Variants in BLNK observed in about 807,000 individuals in gnomAD.
BLNK encodes the protein B-cell linker protein.
Under a neutral mutation model 73.5 loss-of-function variants are expected in BLNK, and 29 were observed. The observed-to-expected ratio is 0.39, with a 90% CI of 0.29 to 0.54. The LOEUF (loss-of-function observed/expected upper bound fraction) is 0.54. BLNK is among the 20% of genes least tolerant of loss of function. The probability of loss-of-function intolerance (pLI) is 0.61; values close to 1 mark genes in which losing one functional copy is unlikely to be tolerated. For missense variants in BLNK, 460 were observed against 562.8 expected (o/e 0.82, Z 1.85); for synonymous variants, 176 against 200.8 (o/e 0.88, Z 1.04).
At chr10:96,251,704 G>T (rs1463950022) in intron 1 of BLNK, among the ~76,000 whole-genome samples, 2 of 152,146 alleles carry the variant, frequency 1.3e-5, no homozygotes, top group African/African-American at 2.4e-5. Context: ...TGGTGAGCAG[G>T]TCATATAAAT....
intron 2 of BLNK, among the ~76,000 whole-genome samples, chr10:96,243,836 T>A (rs1489790795): frequency 1.3e-5 from 2 of 152,200 alleles, no homozygotes; most frequent in Non-Finnish European, 2.9e-5. Context: ...CAATTATTTT[T>A]AATAATTATT....
chr10:96,210,405 T>C (rs1459906037), intron 8 of BLNK: 4 of 167,874 alleles, frequency 2.4e-5, no homozygotes, highest in Non-Finnish European at 5.2e-5. Context: ...GGTAAATGCC[T>C]CTAACTTCAC....
intron 9 of BLNK, among the ~76,000 whole-genome samples, chr10:96,209,526 G>T (rs1257650282): frequency 6.6e-6 from 1 of 152,146 alleles, no homozygotes; most frequent in African/African-American, 2.4e-5. Flanking sequence ...CCAAGTAGCT[G>T]GGATTACAGG....
In BLNK at chr10:96,266,396, C is replaced by T. The variant is rs115712908; in HGVS notation, c.47+4956G>A. 9.3e-3 allele frequency among the ~76,000 whole-genome samples: 1,420 copies of T among 152,304 alleles called. 16 individuals carry two copies. The highest frequency in any genetic ancestry group is 0.024 in the Middle Eastern group (7 of 294). On this transcript the variant is annotated intron_variant, in intron 1 of 16. Transcript: ENST00000224337. ...CAGCCATGGTACACAATCACTGGGT[C>T]CAGAAGAGAGGTTCCTCGGACATGT...
intron 1 of BLNK, among the ~76,000 whole-genome samples, chr10:96,252,210 C>T (rs1843314033): frequency 6.6e-6 from 1 of 152,052 alleles, no homozygotes; most frequent in Admixed American, 6.6e-5. Flanking sequence ...TGCCACCATG[C>T]CGGGCTAATT....
Position 96,189,548 on chromosome 10 carries a change from TTCCTGTTTTTTGAAGGATTCTTG to T in BLNK, c.*2402_*2424del. The T allele has an allele frequency of 1.5e-6, 1 of 659,682 alleles. No individual in the cohort carries two copies. Among genetic ancestry groups the T allele is most frequent in the South Asian group, 1.4e-5 (1 of 72,106 alleles). 40.9% of individuals were successfully genotyped at this position (659,682 alleles called of 1,614,324 possible). A position where few individuals can be genotyped will look rare whatever the true frequency, so the allele number is the denominator to read the frequency against. On this transcript the variant is annotated 3_prime_UTR_variant, in exon 17 of 17. Transcript: ENST00000224337. ...GCCCTTTTGGTGTTTTACGAGTTTT[TTCCTGTTTTTTGAAGGATTCTTG>T]TCCTTTTAATCTTGGTGTTGATGAT...
chr10:96,269,167 T>C (rs1844152460), intron 1 of BLNK, among the ~76,000 whole-genome samples: 2 of 152,072 alleles, frequency 1.3e-5, no homozygotes, highest in African/African-American at 2.4e-5. Flanking sequence ...AGTAATCAAG[T>C]GGAAAAAAAG....
chr10:96,234,890 C>G (rs1842642186), intron 3 of BLNK, among the ~76,000 whole-genome samples: 2 of 152,216 alleles, frequency 1.3e-5, no homozygotes. Context: ...TTGTGTGATT[C>G]CATGGTCTCT....
chr10:96,267,541 A>T (rs1454712126), intron 1 of BLNK, among the ~76,000 whole-genome samples: 1 of 152,204 alleles, frequency 6.6e-6, no homozygotes, highest in Non-Finnish European at 1.5e-5. Flanking sequence ...AAAACTCCAA[A>T]CCCTGAGAAG....
intron 5 of BLNK, among the ~76,000 whole-genome samples, chr10:96,226,755 G>A (rs1310300405): frequency 5.3e-5 from 8 of 151,958 alleles, no homozygotes; most frequent in African/African-American, 1.9e-4. Flanking sequence ...GCAGGAGGCT[G>A]GACCCAGGAG....
chr10:96,217,899 G>C (rs77508079), intron 6 of BLNK, among the ~76,000 whole-genome samples: 6,419 of 152,214 alleles, frequency 0.042, 205 homozygotes, highest in Middle Eastern at 0.065. Flanking sequence ...ACTCATATCT[G>C]TGTTTTCCTC....
Position 96,204,561 on chromosome 10 carries a change from C to T in BLNK, c.873G>A (p.Val291=). 1 of 1,614,070 alleles carries T rather than the reference C, an allele frequency of 6.2e-7. No individual in the cohort carries two copies. The highest frequency in any genetic ancestry group is 8.5e-7 in the Non-Finnish European group (1 of 1,179,954). The change falls in exon 12 of 17, where the codon GTG becomes GTA. Residue 291 remains valine (V), a synonymous_variant. Transcript: ENST00000224337. The part of the protein sequence containing the change: ...HRGSSHRQEA[V]QSPVFPPAQK... ...GGGCAGGAGGAAACACTGGTGACTG[C>T]ACAGCTTCTTGTCTGTGACTTGACC...
At chr10:96,231,342 T>TA (rs782722710) in intron 3 of BLNK, among the ~76,000 whole-genome samples, 17 of 151,752 alleles carry the variant, frequency 1.1e-4, no homozygotes, top group African/African-American at 3.6e-4. Flanking sequence ...CTTTTCTTGT[T>TA]AAAAAAAAAT....
At chr10:96,235,225 C>A (rs1393219606) in intron 3 of BLNK, among the ~76,000 whole-genome samples, 1 of 152,238 alleles carries the variant, frequency 6.6e-6, no homozygotes, top group African/African-American at 2.4e-5. Flanking sequence ...TGCTTCACCT[C>A]TGGGCCTCAG....
At position 96,191,905 on chromosome 10, in the gene BLNK, C is replaced by T; in HGVS notation, c.*68G>A. On this transcript the variant is annotated 3_prime_UTR_variant, in exon 17 of 17. Transcript: ENST00000224337. ...TAATCCAAAATATGAAGTTTTGGGA[C>T]TTTTTCTCAAAAGGAGAAACTTTGG... The T allele has an allele frequency of 6.2e-7, 1 of 1,600,080 alleles. No homozygotes were observed. The highest frequency in any genetic ancestry group is 8.6e-7 in the Non-Finnish European group (1 of 1,169,446).
intron 15 of BLNK, among the ~76,000 whole-genome samples, chr10:96,197,870 C>T (rs1267168677): frequency 9.4e-5 from 14 of 148,336 alleles, no homozygotes; most frequent in African/African-American, 3.2e-4. Flanking sequence ...GAGCCAAGAT[C>T]GTGCCACTGC....
At chr10:96,239,780 C>G (rs879959591) in intron 3 of BLNK, among the ~76,000 whole-genome samples, 2 of 152,108 alleles carry the variant, frequency 1.3e-5, no homozygotes, top group Non-Finnish European at 2.9e-5. Context: ...ATGCTACCTC[C>G]CTTTTCCCCA....
chr10:96,238,757 C>T (rs1554905586), intron 3 of BLNK: 1 of 172,134 alleles, frequency 5.8e-6, no homozygotes, highest in Admixed American at 6.3e-5. Flanking sequence ...CTGGGCAAGG[C>T]CCCAGTCATC....
intron 1 of BLNK, among the ~76,000 whole-genome samples, chr10:96,258,559 T>G (rs1843615939): frequency 6.6e-6 from 1 of 152,184 alleles, no homozygotes; most frequent in Non-Finnish European, 1.5e-5. Flanking sequence ...TCATACCTGT[T>G]CCTTCCCCTT....
Sources: gnomAD v4.1 joint callset for allele counts (sites outside exome capture counted in the v4.1 genomes callset) on GRCh38, gnomAD v4.1.1 for gene constraint, MANE v1.5 for transcripts, NCBI Gene and HGNC (gene_info 2026-07-23, HGNC 2026-07-21) for gene names.